Variants in SMIM35 observed in about 807,000 individuals in gnomAD.
SMIM35 encodes the protein small integral membrane protein 35.
chr11:118,018,652 A>C (rs923272566), intron 1 of SMIM35, among the ~76,000 whole-genome samples: 1 of 152,298 alleles, frequency 6.6e-6, no homozygotes, highest in East Asian at 1.9e-4. Context: ...AAAGTAGGAA[A>C]TACCAGTAGG....
At chr11:118,027,527 G>T (rs1373214455) in intron 1 of SMIM35, among the ~76,000 whole-genome samples, 1 of 152,048 alleles carries the variant, frequency 6.6e-6, no homozygotes. Context: ...ATTCTTTATT[G>T]CTTAAAATTA....
At chr11:118,058,899 G>A (rs1944355632) in intron 1 of SMIM35, among the ~76,000 whole-genome samples, 2 of 152,224 alleles carry the variant, frequency 1.3e-5, no homozygotes, top group Non-Finnish European at 2.9e-5. Context: ...GGTAACTACA[G>A]AGAAGCAGGA....
intron 1 of SMIM35, among the ~76,000 whole-genome samples, chr11:118,079,625 A>C (rs951309603): frequency 2.0e-5 from 3 of 152,184 alleles, no homozygotes; most frequent in Admixed American, 2.0e-4. Flanking sequence ...GTGGGTGTTA[A>C]CACCTGAGGT....
At chr11:118,084,565 G>C (rs1280159895) in intron 1 of SMIM35, among the ~76,000 whole-genome samples, 1 of 152,230 alleles carries the variant, frequency 6.6e-6, no homozygotes, top group Non-Finnish European at 1.5e-5. Flanking sequence ...TATCACTGGG[G>C]CCTCCAGAAC....
intron 1 of SMIM35, among the ~76,000 whole-genome samples, chr11:118,057,704 C>A (rs1001206663): frequency 2.6e-5 from 4 of 152,118 alleles, no homozygotes; most frequent in African/African-American, 9.7e-5. Flanking sequence ...GGATTCGCCT[C>A]GGAGGCTGAA....
At chr11:118,086,134 G>A (rs770253367) in intron 1 of SMIM35, among the ~76,000 whole-genome samples, 2 of 152,318 alleles carry the variant, frequency 1.3e-5, no homozygotes, top group South Asian at 2.1e-4. Context: ...AAGCATAAGC[G>A]CTGTGCCTCA....
intron 1 of SMIM35, among the ~76,000 whole-genome samples, chr11:118,037,279 C>A (rs2058366874): frequency 1.3e-5 from 2 of 152,202 alleles, no homozygotes; most frequent in Admixed American, 1.3e-4. Flanking sequence ...GTCCAGGGGT[C>A]CATGGACTGC....
chr11:118,005,228 C>A lies in SMIM35; in HGVS notation c.*1182G>T, dbSNP rs576532560. On this transcript the variant is annotated 3_prime_UTR_variant, in exon 5 of 5. Coordinates refer to ENST00000689828, the MANE Select transcript of SMIM35 (RefSeq NM_001394165.1). ...CCCCAAGGCCCAGAATTTCTGAATACCGGTTCCCAAGGACCTGCTAGGGAA... is the reference window on the plus strand; with the variant it reads ...CCCCAAGGCCCAGAATTTCTGAATAACGGTTCCCAAGGACCTGCTAGGGAA... 6.6e-6 allele frequency: 1 copy of A among 152,328 alleles called. No individual in the cohort carries two copies. Among genetic ancestry groups the A allele is most frequent in the African/African-American group, 2.4e-5 (1 of 41,556 alleles). The allele number at this position is 152,328 out of a possible 1,614,324, so 9.4% of individuals were successfully genotyped here. A position where few individuals can be genotyped will look rare whatever the true frequency, so the allele number is the denominator to read the frequency against.
rs78646029 is a variant in SMIM35, at chr11:118,028,751, G to C, written c.8-12942C>G. ...GGTAAATTAGGAGGTTGGGGAAGAA[G>C]ATGGAAGAAGAGAAACTGAGAAGCA... is the stretch of plus-strand genomic sequence containing the variant. On this transcript the variant is annotated intron_variant, in intron 1 of 4. Coordinates refer to ENST00000689828, the MANE Select transcript of SMIM35 (RefSeq NM_001394165.1). 3.8e-3 allele frequency: 1,636 copies of C among 432,008 alleles called. 38 individuals are homozygous for C. In the East Asian group the frequency reaches 0.048, roughly 13 times the overall value. The allele number at this position is 432,008 out of a possible 1,614,324, so 26.8% of individuals were successfully genotyped here.
intron 1 of SMIM35, among the ~76,000 whole-genome samples, chr11:118,020,409 G>A (rs1463744098): frequency 2.0e-5 from 3 of 152,082 alleles, no homozygotes; most frequent in African/African-American, 7.3e-5. Flanking sequence ...GTTTTTCAAG[G>A]TCAGTGAAAA....
At chr11:118,026,595 C>T (rs1024719005) in intron 1 of SMIM35, among the ~76,000 whole-genome samples, 1 of 152,076 alleles carries the variant, frequency 6.6e-6, no homozygotes, top group Non-Finnish European at 1.5e-5. Flanking sequence ...ATAATTGGGA[C>T]ATCAGATGGG....
At chr11:118,029,967 T>A (rs1361905212) in intron 1 of SMIM35, 1 of 356,982 alleles carries the variant, frequency 2.8e-6, no homozygotes, top group Non-Finnish European at 5.5e-6. Context: ...TTGTGGCTTA[T>A]GTTTCCTAAC....
At chr11:118,028,604 A>AT in intron 1 of SMIM35, 1 of 234,774 alleles carries the variant, frequency 4.3e-6, no homozygotes, top group East Asian at 1.1e-4. Flanking sequence ...AAATGTTGAC[A>AT]TGGGAAACTT....
intron 1 of SMIM35, among the ~76,000 whole-genome samples, chr11:118,082,422 G>A (rs376440406): frequency 6.6e-5 from 10 of 152,032 alleles, no homozygotes; most frequent in South Asian, 6.2e-4. Context: ...TTAGCCGAGC[G>A]CAGTAGCTCA....
In SMIM35 at chr11:118,005,660, C is replaced by T. The variant is rs1317470357; in HGVS notation, c.*750G>A. On this transcript the variant is annotated 3_prime_UTR_variant, in exon 5 of 5. Coordinates refer to ENST00000689828, the MANE Select transcript of SMIM35 (RefSeq NM_001394165.1). The stretch of plus-strand genomic sequence containing the variant: ...GCCCCATCAAACTCCTTAGTAAGTC[C>T]TATCAGCTCTACCTTCCAGATAGAT... 2 of 152,452 alleles carry T rather than the reference C, an allele frequency of 1.3e-5. No homozygotes were observed. Among genetic ancestry groups the T allele is most frequent in the Admixed American group, 6.5e-5 (1 of 15,286 alleles). 9.4% of individuals were successfully genotyped at this position (152,452 alleles called of 1,614,324 possible).
intron 1 of SMIM35, among the ~76,000 whole-genome samples, chr11:118,060,452 G>T (rs564132807): frequency 6.6e-6 from 1 of 152,382 alleles, no homozygotes; most frequent in South Asian, 2.1e-4. Flanking sequence ...ATGAGTCAGG[G>T]TTTTGCTGCA....
chr11:118,076,059 G>A (rs2135153519), intron 1 of SMIM35, among the ~76,000 whole-genome samples: 1 of 152,346 alleles, frequency 6.6e-6, no homozygotes, highest in African/African-American at 2.4e-5. Context: ...GTTGAAGCCA[G>A]GTGTTTGAGA....
chr11:118,063,159 G>C (rs991909600), intron 1 of SMIM35, among the ~76,000 whole-genome samples: 5 of 152,180 alleles, frequency 3.3e-5, no homozygotes, highest in East Asian at 1.9e-4. Flanking sequence ...AGCAGCCCTC[G>C]GGGCTGCTCT....
chr11:118,085,907 T>C (rs1034147687), intron 1 of SMIM35, among the ~76,000 whole-genome samples: 1 of 152,066 alleles, frequency 6.6e-6, no homozygotes, highest in Non-Finnish European at 1.5e-5. Flanking sequence ...CTGAGCAAAG[T>C]AGAGCTGTTG....
Sources: gnomAD v4.1 joint callset for allele counts (sites outside exome capture counted in the v4.1 genomes callset) on GRCh38, gnomAD v4.1.1 for gene constraint, MANE v1.5 for transcripts, NCBI Gene and HGNC (gene_info 2026-07-23, HGNC 2026-07-21) for gene names.